The following NAA15 variants were observed in gnomAD, a reference collection of about 807,000 sequenced individuals.
NAA15 encodes N-alpha-acetyltransferase 15, NatA auxiliary subunit.
In NAA15, 34 loss-of-function variants were observed where a neutral mutation model predicts 114.0. The ratio of observed to expected loss-of-function variants is 0.30; its 90% confidence interval spans 0.23 to 0.40. NAA15 has a LOEUF of 0.40. Ranked by LOEUF, NAA15 falls within the 10% of genes least tolerant of loss-of-function variation. NAA15 has a pLI of 1.00. For synonymous variants in NAA15, 340 were observed against 338.0 expected (o/e 1.01, Z -0.06); for missense variants, 658 against 1,004.5 (o/e 0.66, Z 4.66).
At chr4:139,385,284 ATATATATATATATATAATATATAT>A (rs1748872307) in intron 18 of NAA15, among the ~76,000 whole-genome samples, 1 of 47,316 alleles carries the variant, frequency 2.1e-5, no homozygotes, top group Non-Finnish European at 4.0e-5. Flanking sequence ...TATATATATA[ATATATATATATATATAATATATAT>A]TATATATATA....
At chr4:139,382,167 C>T (rs1748772223) in intron 17 of NAA15, among the ~76,000 whole-genome samples, 1 of 152,048 alleles carries the variant, frequency 6.6e-6, no homozygotes, top group Non-Finnish European at 1.5e-5. Flanking sequence ...ACACAGAATT[C>T]CATAGGACAT....
chr4:139,316,002 A>AT (rs1456854625), intron 1 of NAA15, among the ~76,000 whole-genome samples: 1 of 150,128 alleles, frequency 6.7e-6, no homozygotes, highest in Non-Finnish European at 1.5e-5. Flanking sequence ...TTTTCCTGTG[A>AT]TTTTTTGAAG....
chr4:139,320,362 A>T (rs958705373), intron 1 of NAA15, among the ~76,000 whole-genome samples: 2 of 152,106 alleles, frequency 1.3e-5, no homozygotes, highest in Non-Finnish European at 2.9e-5. Flanking sequence ...AGTATCTGTT[A>T]GTTCGGTTTT....
At chr4:139,344,074 T>G in intron 5 of NAA15, 112 bp from the exon 6 acceptor site, 2 of 903,552 alleles carry the variant, frequency 2.2e-6, no homozygotes, top group Non-Finnish European at 3.2e-6. Context: ...AAAATTAGTT[T>G]TATCAACCGG....
intron 1 of NAA15, among the ~76,000 whole-genome samples, chr4:139,308,681 C>G (rs1459321026): frequency 6.6e-6 from 1 of 152,132 alleles, no homozygotes; most frequent in Non-Finnish European, 1.5e-5. Context: ...TCACTGCACT[C>G]TCCGACTCAC....
At chr4:139,330,178 C>G (rs1014623286) in intron 1 of NAA15, among the ~76,000 whole-genome samples, 2 of 152,106 alleles carry the variant, frequency 1.3e-5, no homozygotes, top group Non-Finnish European at 2.9e-5. Context: ...GACACTTAAC[C>G]CTCTTCCTTA....
intron 6 of NAA15, 65 bp from the exon 7 acceptor site, chr4:139,349,397 G>T: frequency 7.2e-7 from 1 of 1,395,802 alleles, no homozygotes; most frequent in Non-Finnish European, 9.6e-7. Context: ...TTGAGGAAAA[G>T]TTAAAATTCT....
chr4:139,365,328 A>G (rs1447244841), intron 14 of NAA15, among the ~76,000 whole-genome samples: 1 of 151,782 alleles, frequency 6.6e-6, no homozygotes, highest in East Asian at 2.0e-4. Context: ...GTGAGCCACC[A>G]CATGCGGCCT....
chr4:139,339,270 C>A (rs1747302613), intron 3 of NAA15, among the ~76,000 whole-genome samples: 1 of 151,768 alleles, frequency 6.6e-6, no homozygotes, highest in Non-Finnish European at 1.5e-5. Flanking sequence ...GCTGAGGCAG[C>A]GATCACTTGA....
intron 9 of NAA15, among the ~76,000 whole-genome samples, 177 bp from the exon 10 acceptor site, chr4:139,353,849 G>A (rs1194146276): frequency 1.3e-5 from 2 of 152,152 alleles, no homozygotes; most frequent in African/African-American, 4.8e-5. Flanking sequence ...ATGTACACCT[G>A]TGCAAAAGTA....
At chr4:139,309,200 TAGCTG>T (rs1354923271) in intron 1 of NAA15, among the ~76,000 whole-genome samples, 1 of 150,436 alleles carries the variant, frequency 6.6e-6, no homozygotes, top group Non-Finnish European at 1.5e-5. Context: ...ATACGAAACT[TAGCTG>T]GGCGTGGTTG....
In NAA15 at chr4:139,351,988, T is replaced by G. The variant is rs149937630; in HGVS notation, c.1014+377T>G. On this transcript the variant is annotated intron_variant, in intron 9 of 19. Coordinates refer to ENST00000296543, the MANE Select transcript of NAA15 (RefSeq NM_057175.5). Reference sequence around the variant, plus strand: ...AGTTTTAGCTTAGTCTTCTTTCTCCTTTTTAAATTTGGTAGACAAAAAGTT... The same window carrying G: ...AGTTTTAGCTTAGTCTTCTTTCTCCGTTTTAAATTTGGTAGACAAAAAGTT... 1.4e-3 allele frequency among the ~76,000 whole-genome samples: 209 copies of G among 152,276 alleles called. 1 individual carries two copies. Among genetic ancestry groups the G allele is most frequent in the African/African-American group, 4.8e-3 (200 of 41,572 alleles).
At chr4:139,350,945 G>C (rs1484732612) in intron 7 of NAA15, among the ~76,000 whole-genome samples, 1 of 152,072 alleles carries the variant, frequency 6.6e-6, no homozygotes, top group Non-Finnish European at 1.5e-5. Context: ...CAGAACTAAA[G>C]AAGTTCTCAG....
intron 2 of NAA15, among the ~76,000 whole-genome samples, chr4:139,335,006 A>G (rs927362285): frequency 6.6e-6 from 1 of 152,146 alleles, no homozygotes; most frequent in Non-Finnish European, 1.5e-5. Flanking sequence ...ATGGAAAACA[A>G]TGGAGATAAA....
intron 17 of NAA15, among the ~76,000 whole-genome samples, chr4:139,381,026 T>C (rs1039205464): frequency 1.1e-4 from 17 of 152,178 alleles, no homozygotes; most frequent in African/African-American, 2.4e-5. Context: ...CTGGAGAGTA[T>C]AGAGGAAAAC....
chr4:139,384,754 CAAACACAAACAAAAATA>C, intron 17 of NAA15, 61 bp from the exon 18 acceptor site: 1 of 1,009,638 alleles, frequency 9.9e-7, no homozygotes, highest in East Asian at 3.2e-5. Context: ...GACCCTGTCT[CAAACACAAACAAAAATA>C]AACTTTTGTA....
In NAA15 at chr4:139,359,833, A is replaced by G. The variant is rs1436993876; in HGVS notation, c.1348A>G (p.Lys450Glu). 3 of 1,609,082 alleles carry G rather than the reference A, an allele frequency of 1.9e-6. No individual in the cohort carries two copies. The highest frequency in any genetic ancestry group is 2.5e-6 in the Non-Finnish European group (3 of 1,179,100). ...ADRFINSKCAKYMLKANLIKE... is the reference protein window; with the variant it reads ...ADRFINSKCAEYMLKANLIKE... ...CAGATTTATCAACTCCAAATGTGCAAAATACATGCTAAAAGCCAACCTGAT... is the reference window on the plus strand; with the variant it reads ...CAGATTTATCAACTCCAAATGTGCAGAATACATGCTAAAAGCCAACCTGAT... The change falls in exon 12 of 20, where the codon AAA becomes GAA. Residue 450 changes from lysine to glutamate, a missense_variant. Lys to Glu is a moderately conservative substitution (Grantham distance 56). This residue lies in a region of NAA15 where 281 missense variants were observed against 389.1 expected (regional missense o/e 0.72). Coordinates refer to ENST00000296543, the MANE Select transcript of NAA15 (RefSeq NM_057175.5).
At chr4:139,307,626 TTTAA>T (rs1265514305) in intron 1 of NAA15, among the ~76,000 whole-genome samples, 3 of 152,224 alleles carry the variant, frequency 2.0e-5, no homozygotes, top group South Asian at 2.1e-4. Flanking sequence ...GAAATGAATT[TTTAA>T]TTAATCTTAA....
intron 6 of NAA15, among the ~76,000 whole-genome samples, chr4:139,348,430 G>T (rs1053879388): frequency 1.3e-5 from 2 of 149,802 alleles, no homozygotes; most frequent in African/African-American, 4.9e-5. Context: ...TCCAGCTGGG[G>T]TGACAGAGCA....
Sources: gnomAD v4.1 joint callset for allele counts (sites outside exome capture counted in the v4.1 genomes callset) on GRCh38, gnomAD v4.1.1 for gene constraint, gnomAD v4.1.1 regional missense constraint, MANE v1.5 for transcripts, NCBI Gene and HGNC (gene_info 2026-07-23, HGNC 2026-07-21) for gene names.